The following LNX1 variants were observed in gnomAD, a reference collection of about 807,000 sequenced individuals.
LNX1 encodes the protein E3 ubiquitin-protein ligase LNX.
A neutral mutation model predicts 68.4 loss-of-function variants in LNX1; 54 were observed. The ratio of observed to expected loss-of-function variants is 0.79; its 90% CI spans 0.63 to 0.99. LNX1 has a LOEUF of 0.99. LNX1 is among the 50% of genes least tolerant of loss of function. LNX1 has a pLI of 0.00. For synonymous variants in LNX1, 336 were observed against 350.0 expected (o/e 0.96, Z 0.45); for missense variants, 906 against 926.4 (o/e 0.98, Z 0.29).
chr4:53,510,040 T>G (rs888149316), intron 2 of LNX1, among the ~76,000 whole-genome samples: 10 of 152,230 alleles, frequency 6.6e-5, no homozygotes, highest in Non-Finnish European at 1.5e-4. Flanking sequence ...AGAATCACAA[T>G]TCTGTGTTTT....
intron 1 of LNX1, among the ~76,000 whole-genome samples, chr4:53,637,765 G>T (rs1734536719): frequency 6.6e-6 from 1 of 152,166 alleles, no homozygotes; most frequent in African/African-American, 2.4e-5. Context: ...AAAAGAAGGA[G>T]TGTCTTAGAA....
intron 2 of LNX1, among the ~76,000 whole-genome samples, chr4:53,608,155 G>T (rs1232232644): frequency 2.6e-5 from 4 of 152,144 alleles, no homozygotes; most frequent in African/African-American, 7.2e-5. Context: ...CACAGCAAAA[G>T]AAGTGATCAA....
chr4:53,482,334 A>G (rs895371115), intron 6 of LNX1, among the ~76,000 whole-genome samples: 25 of 152,220 alleles, frequency 1.6e-4, no homozygotes, highest in Non-Finnish European at 3.1e-4. Flanking sequence ...ACTTGCAAAT[A>G]TTTGGGCATA....
intron 9 of LNX1, among the ~76,000 whole-genome samples, chr4:53,464,018 T>C (rs941832544): frequency 6.6e-6 from 1 of 152,074 alleles, no homozygotes; most frequent in African/African-American, 2.4e-5. Flanking sequence ...TTCCTGATGA[T>C]TTAAATTATT....
intron 2 of LNX1, among the ~76,000 whole-genome samples, chr4:53,609,515 A>C (rs1229547405): frequency 6.7e-6 from 1 of 148,362 alleles, no homozygotes; most frequent in African/African-American, 2.5e-5. Flanking sequence ...TTATACGGAA[A>C]TTTTATAGCA....
intron 4 of LNX1, among the ~76,000 whole-genome samples, chr4:53,501,662 C>G (rs1248067696): frequency 6.6e-6 from 1 of 152,154 alleles, no homozygotes; most frequent in African/African-American, 2.4e-5. Flanking sequence ...AGTTGATAAA[C>G]AGTGGCGCCA....
intron 2 of LNX1, among the ~76,000 whole-genome samples, chr4:53,553,420 C>T (rs1200569823): frequency 6.6e-6 from 1 of 152,146 alleles, no homozygotes; most frequent in Non-Finnish European, 1.5e-5. Context: ...GATTTAGAGC[C>T]CTCCAAATCT....
chr4:53,579,113 G>T, intron 1 of LNX1: 1 of 212,252 alleles, frequency 4.7e-6, no homozygotes, highest in Non-Finnish European at 8.1e-6. Context: ...TGTCAGCTTT[G>T]TGTCCATATA....
chr4:53,492,506 T>TGAGAGAGAGGAGA (rs1553931985), intron 6 of LNX1, among the ~76,000 whole-genome samples: 1 of 88,942 alleles, frequency 1.1e-5, no homozygotes. Flanking sequence ...CAGAGGGCTC[T>TGAGAGAGAGGAGA]GAGAGAGAGA....
chr4:53,564,774 T>C (rs1197671880), intron 2 of LNX1, among the ~76,000 whole-genome samples: 2 of 152,004 alleles, frequency 1.3e-5, no homozygotes, highest in East Asian at 1.9e-4. Context: ...TGGGCGCAGG[T>C]CAGTGGGTGC....
chr4:53,645,970 G>T (rs912083807), intron 1 of LNX1, among the ~76,000 whole-genome samples: 2 of 152,204 alleles, frequency 1.3e-5, no homozygotes, highest in Admixed American at 6.5e-5. Flanking sequence ...GATGAGGAAA[G>T]CTTGGTACTT....
rs765991409 is a variant in LNX1 at position 53,461,016 on chromosome 4, T to C, written c.2078A>G (p.Asn693Ser). 1.1e-5 allele frequency: 17 copies of C among 1,587,500 alleles called. No individual in the cohort carries two copies. The highest frequency in any genetic ancestry group is 1.5e-5 in the Non-Finnish European group (17 of 1,171,390). Reference protein sequence around the residue: ...IRCGDILLAVNGRSTSGMIHA... With the variant: ...IRCGDILLAVSGRSTSGMIHA... ...TATCATTCCTGATGTACTTCTACCA[T>C]TGACAGCAAGAAGAATATCACCACA... Residue 693 changes from asparagine to serine, a missense_variant, in exon 11 of 11, where the codon AAT (asparagine) becomes AGT (serine). Transcript: ENST00000263925.
intron 9 of LNX1, among the ~76,000 whole-genome samples, chr4:53,472,192 A>C (rs956312403): frequency 6.6e-6 from 1 of 152,274 alleles, no homozygotes; most frequent in Non-Finnish European, 1.5e-5. Context: ...TTGTAGGGAC[A>C]TGGATGAAGC....
intron 2 of LNX1, among the ~76,000 whole-genome samples, chr4:53,616,275 A>T (rs1357235181): frequency 6.6e-6 from 1 of 152,146 alleles, no homozygotes; most frequent in African/African-American, 2.4e-5. Flanking sequence ...TTCCCTACAT[A>T]GACACAAATA....
chr4:53,522,405 G>T (rs772123545), intron 2 of LNX1, among the ~76,000 whole-genome samples: 2 of 152,212 alleles, frequency 1.3e-5, no homozygotes, highest in Non-Finnish European at 2.9e-5. Flanking sequence ...CAGGCTTGGT[G>T]CTCCTATGAC....
At chr4:53,550,385 C>T (rs1182138167) in intron 2 of LNX1, among the ~76,000 whole-genome samples, 4 of 152,212 alleles carry the variant, frequency 2.6e-5, no homozygotes, top group African/African-American at 4.8e-5. Context: ...CCTTCCAGGT[C>T]CTCGTCCAAA....
intron 2 of LNX1, among the ~76,000 whole-genome samples, chr4:53,529,102 AACACACAC>A (rs201017055): frequency 2.9e-5 from 4 of 138,322 alleles, no homozygotes; most frequent in South Asian, 2.5e-4. Context: ...AGTCCTGACC[AACACACAC>A]ACACACACAC....
At position 53,459,429 on chromosome 4, in the gene LNX1, G is replaced by A. The variant is rs769413240; in HGVS notation, c.*1478C>T. On this transcript the variant is annotated 3_prime_UTR_variant, in exon 11 of 11. Coordinates refer to ENST00000263925, the MANE Select transcript of LNX1 (RefSeq NM_001126328.3). ...GCCTGCCCCTGAACAGGAGAGCACC[G>A]AAGCTACACCTGCAGAATAGGCATG... 6 of 1,613,066 alleles carry A rather than the reference G, an allele frequency of 3.7e-6. No individual in the cohort carries two copies. The highest frequency in any genetic ancestry group is 1.1e-5 in the South Asian group (1 of 91,036).
rs556349545 is a variant in LNX1, at chr4:53,507,072, A to G, written c.775+245T>C. Among the ~76,000 whole-genome samples, 9 of 152,284 alleles carry G rather than the reference A, an allele frequency of 5.9e-5. No homozygotes were observed. In the East Asian group the frequency reaches 1.5e-3, roughly 26 times the overall value. ...ATTATAATTATTCTTCCTCATATGC[A>G]TAATGGTACTAGCGCCTGAAGGTGA... is the stretch of plus-strand genomic sequence containing the variant. On this transcript the variant is annotated intron_variant, in intron 4 of 10. Transcript: ENST00000263925.
Sources: allele counts gnomAD v4.1 joint callset (sites outside exome capture counted in the v4.1 genomes callset), GRCh38; gene constraint gnomAD v4.1.1; transcripts MANE v1.5; gene names NCBI Gene and HGNC (gene_info 2026-07-23, HGNC 2026-07-21).